UGT2A2: variants seen among roughly 807,000 people sequenced by gnomAD.
UGT2A2 encodes UDP-glucuronosyltransferase 2A2.
UGT2A2 carries 60 observed loss-of-function variants against 50.7 expected under a neutral mutation model. The observed-to-expected ratio is 1.18, with a 90% confidence interval of 0.96 to 1.47. The LOEUF is 1.47. Among genes scored for constraint, UGT2A2 ranks in the 40% most tolerant of loss-of-function variants. The pLI, the probability that UGT2A2 is intolerant of heterozygous loss-of-function variation, is 0.00. For synonymous variants in UGT2A2, 242 were observed against 214.6 expected (o/e 1.13, Z -1.11); for missense variants, 762 against 634.0 (o/e 1.20, Z -2.17).
At chr4:69,614,755 A>G (rs1720273486) in intron 1 of UGT2A2, among the ~76,000 whole-genome samples, 1 of 152,052 alleles carries the variant, frequency 6.6e-6, no homozygotes, top group South Asian at 2.1e-4. Flanking sequence ...GAAGCTAGGT[A>G]TCTATATGTA....
chr4:69,624,982 T>G (rs1720959840), intron 1 of UGT2A2, among the ~76,000 whole-genome samples: 1 of 148,728 alleles, frequency 6.7e-6, no homozygotes, highest in Non-Finnish European at 1.5e-5. Context: ...AGAAGATTAA[T>G]TTTCTTGGTT....
At chr4:69,595,127 C>T in intron 4 of UGT2A2, 35 bp downstream of exon 4, 10 of 1,610,760 alleles carry the variant, frequency 6.2e-6, no homozygotes, top group Non-Finnish European at 7.6e-6. Flanking sequence ...TGTCTATTGT[C>T]CCACTGTACA....
chr4:69,639,145 C>G lies in UGT2A2; in HGVS notation c.496G>C (p.Asp166His), dbSNP rs376466990. The change falls in exon 1 of 6, where the codon GAT becomes CAT. Residue 166 changes from aspartate to histidine, a missense_variant. Transcript: ENST00000604629. ...LVADPVTICG[D>H]LVALKLGIPF... ...ATTCCTAATTTCAGAGCAACAAGATCACCACAGATTGTTACTGGGTCTGCT... is the reference window on the plus strand; with the variant it reads ...ATTCCTAATTTCAGAGCAACAAGATGACCACAGATTGTTACTGGGTCTGCT... 3.1e-6 allele frequency: 5 copies of G among 1,613,496 alleles called. No individual in the cohort carries two copies. Among genetic ancestry groups the G allele is most frequent in the Non-Finnish European group, 4.2e-6 (5 of 1,179,742 alleles).
rs555877556 is a variant in UGT2A2 at position 69,599,490 on chromosome 4, GA to G, written c.743-97del. ...CAGTAATTTCCTGATAAGCTGTTAA[GA>G]AAAAACTGAATTAGGTCTTCTAGAA... On this transcript the variant is annotated intron_variant, in intron 1 of 5. Transcript: ENST00000604629. 5.2e-6 allele frequency: 8 copies of G among 1,539,128 alleles called. No homozygotes were observed. The East Asian group carries it at 9.1e-5, about 18-fold the overall frequency.
intron 2 of UGT2A2, among the ~76,000 whole-genome samples, chr4:69,596,911 A>G (rs1718965367): frequency 6.6e-6 from 1 of 152,214 alleles, no homozygotes; most frequent in Non-Finnish European, 1.5e-5. Context: ...TGAAAGCAAA[A>G]CCATTACAGA....
rs76000453 is a variant in UGT2A2 at position 69,595,235 on chromosome 4, G to T, written c.1038C>A (p.Tyr346Ter). The change falls in exon 4 of 6, where the codon TAC (tyrosine) becomes TAA (stop). Residue 346 changes from tyrosine (Y) to a stop codon, truncating the protein, a stop_gained. Coordinates refer to ENST00000604629, the MANE Select transcript of UGT2A2 (RefSeq NM_001105677.2). LOFTEE classifies it high-confidence loss of function. Reference sequence around the variant, plus strand: ...CTAATGTGGCTGGTTTCTTTCCTTTGTATCTCCATAAAACCTGTGGAAAAT... The same window carrying T: ...CTAATGTGGCTGGTTTCTTTCCTTTTTATCTCCATAAAACCTGTGGAAAAT... ...AQIPQKVLWRYKGKKPATLGN... is the reference protein window; with the variant it reads ...AQIPQKVLWR 11 of 1,613,588 alleles carry T rather than the reference G, an allele frequency of 6.8e-6. No homozygotes were observed. Among genetic ancestry groups the T allele is most frequent in the Non-Finnish European group, 8.5e-6 (10 of 1,179,804 alleles).
rs944398197 is a variant in UGT2A2 at position 69,638,912 on chromosome 4, A to G, written c.729T>C (p.Tyr243=). ...TTTTAGACTTACCTAAAATTTTGCTATAGTATGAATTCCATTCTCCCCAGT... is the reference window on the plus strand; with the variant it reads ...TTTTAGACTTACCTAAAATTTTGCTGTAGTATGAATTCCATTCTCCCCAGT... The part of the protein sequence containing the change: ...QSYWGEWNSY[Y]SKILGRPTTL... Residue 243 remains tyrosine (Y), a synonymous_variant, in exon 1 of 6, where the codon TAT becomes TAC. Coordinates refer to ENST00000604629, the MANE Select transcript of UGT2A2 (RefSeq NM_001105677.2). 3 of 1,585,938 alleles carry G rather than the reference A, an allele frequency of 1.9e-6. No homozygotes were observed. Among genetic ancestry groups the G allele is most frequent in the Admixed American group, 1.8e-5 (1 of 55,108 alleles).
intron 1 of UGT2A2, among the ~76,000 whole-genome samples, chr4:69,637,932 A>C (rs1041440492): frequency 1.2e-4 from 18 of 151,144 alleles, no homozygotes; most frequent in East Asian, 1.9e-4. Flanking sequence ...GGCAGGCAGG[A>C]AGGAAGGAAG....
chr4:69,621,632 C>G (rs1408237564), intron 1 of UGT2A2, among the ~76,000 whole-genome samples: 1 of 151,762 alleles, frequency 6.6e-6, no homozygotes, highest in Admixed American at 6.6e-5. Flanking sequence ...ACCATTAAAC[C>G]CAGCAATCCC....
chr4:69,634,359 T>A (rs1012099420), intron 1 of UGT2A2, among the ~76,000 whole-genome samples: 3 of 151,998 alleles, frequency 2.0e-5, no homozygotes, highest in Non-Finnish European at 4.4e-5. Context: ...GACGAAAGAT[T>A]AACAGAAACT....
intron 1 of UGT2A2, among the ~76,000 whole-genome samples, chr4:69,613,750 G>C (rs1720204969): frequency 1.3e-5 from 2 of 151,860 alleles, no homozygotes; most frequent in Admixed American, 6.6e-5. Flanking sequence ...TTGATGATGA[G>C]AAAAATATTT....
intron 2 of UGT2A2, among the ~76,000 whole-genome samples, chr4:69,598,758 T>C (rs186540773): frequency 6.6e-6 from 1 of 152,242 alleles, no homozygotes; most frequent in East Asian, 1.9e-4. Flanking sequence ...CACAACTGTC[T>C]AATAAATTCT....
At chr4:69,631,228 A>T (rs1234517412) in intron 1 of UGT2A2, among the ~76,000 whole-genome samples, 1 of 152,148 alleles carries the variant, frequency 6.6e-6, no homozygotes, top group African/African-American at 2.4e-5. Flanking sequence ...TTTTAGTGAA[A>T]TTAGTTAAGT....
At chr4:69,596,581 G>A (rs1468846541) in intron 2 of UGT2A2, among the ~76,000 whole-genome samples, 200 bp from the exon 3 acceptor site, 6 of 152,114 alleles carry the variant, frequency 3.9e-5, no homozygotes, top group Admixed American at 3.3e-4. Flanking sequence ...GGAGCGCAGT[G>A]GCATGATCTC....
chr4:69,594,453 G>C (rs1200122136), intron 5 of UGT2A2, 24 bp downstream of exon 5: 1 of 1,608,012 alleles, frequency 6.2e-7, no homozygotes, highest in South Asian at 1.1e-5. Context: ...AGTTAGGCAA[G>C]TTTTTAGGAG....
intron 1 of UGT2A2, among the ~76,000 whole-genome samples, chr4:69,638,560 T>C (rs1721850711): frequency 6.6e-6 from 1 of 152,156 alleles, no homozygotes; most frequent in Non-Finnish European, 1.5e-5. Context: ...ATGTATCACC[T>C]CGAAAATATT....
rs1718843329 is a variant in UGT2A2, at chr4:69,595,153, C to T, written c.1111+9G>A. On this transcript the variant is annotated intron_variant, in intron 4 of 5. Transcript: ENST00000604629. ...CCACTGTACAGCTTTTCTTTCCCCA[C>T]AGTCTTACCAAGAAGATCATTCTGG... is the stretch of plus-strand genomic sequence containing the variant. 2 of 1,613,796 alleles carry T rather than the reference C, an allele frequency of 1.2e-6. No homozygotes were observed. The highest frequency in any genetic ancestry group is 1.7e-6 in the Non-Finnish European group (2 of 1,179,832).
At chr4:69,627,623 G>T (rs28560222) in intron 1 of UGT2A2, among the ~76,000 whole-genome samples, 1 of 150,594 alleles carries the variant, frequency 6.6e-6, no homozygotes. Flanking sequence ...AGAGAAGAAA[G>T]AAAAAAGAAA....
intron 1 of UGT2A2, among the ~76,000 whole-genome samples, chr4:69,600,842 C>T (rs1395084385): frequency 2.0e-5 from 3 of 151,868 alleles, no homozygotes; most frequent in African/African-American, 7.3e-5. Context: ...ATAACTCACT[C>T]ACTATCACAA....
Sources: allele counts gnomAD v4.1 joint callset (sites outside exome capture counted in the v4.1 genomes callset), GRCh38; gene constraint gnomAD v4.1.1; transcripts MANE v1.5; gene names NCBI Gene and HGNC (gene_info 2026-07-23, HGNC 2026-07-21).